LEPR: variants seen among roughly 807,000 people sequenced by gnomAD.
LEPR encodes the protein OB receptor.
LEPR carries 56 observed loss-of-function variants against 114.7 expected under a neutral mutation model. That is an observed-to-expected ratio of 0.49 (90% CI 0.39 to 0.61). LEPR has a LOEUF of 0.61. Among genes scored for constraint, LEPR ranks in the 20% least tolerant of loss-of-function variants. The probability of loss-of-function intolerance (pLI) is 0.00; values close to 1 mark genes in which losing one functional copy is unlikely to be tolerated. For missense variants in LEPR, 1,202 were observed against 1,352.9 expected (o/e 0.89, Z 1.75); for synonymous variants, 443 against 461.4 (o/e 0.96, Z 0.51).
chr1:65,615,049 C>A (rs1657441349), intron 14 of LEPR, among the ~76,000 whole-genome samples: 1 of 151,900 alleles, frequency 6.6e-6, no homozygotes, highest in Non-Finnish European at 1.5e-5. Context: ...TAAAATGCAA[C>A]ATTTGCATGA....
intron 2 of LEPR, among the ~76,000 whole-genome samples, chr1:65,549,545 C>T (rs1445472550): frequency 6.6e-5 from 10 of 152,106 alleles, no homozygotes; most frequent in African/African-American, 1.4e-4. Flanking sequence ...CTTCCCTTCT[C>T]GCTTCATTTC....
intron 1 of LEPR, among the ~76,000 whole-genome samples, 165 bp downstream of exon 1, chr1:65,420,905 G>A (rs1435862815): frequency 2.0e-5 from 3 of 152,222 alleles, no homozygotes; most frequent in African/African-American, 7.2e-5. Flanking sequence ...CCCTTGGGGT[G>A]TGGGTGGAGC....
At chr1:65,430,197 C>T (rs966512772) in intron 2 of LEPR, 16 of 595,058 alleles carry the variant, frequency 2.7e-5, no homozygotes, top group African/African-American at 2.6e-4. Context: ...TTTAGACCTG[C>T]CTAACAGTAG....
chr1:65,432,712 G>C, intron 2 of LEPR: 1 of 856,984 alleles, frequency 1.2e-6, no homozygotes, highest in African/African-American at 1.8e-5. Flanking sequence ...TCAGTTAGGA[G>C]GAATAAGTGT....
At chr1:65,589,368 G>T (rs1655533210) in intron 5 of LEPR, among the ~76,000 whole-genome samples, 2 of 151,812 alleles carry the variant, frequency 1.3e-5, no homozygotes, top group African/African-American at 2.4e-5. Flanking sequence ...TGTATGGTTT[G>T]TCTTTTTGTT....
In LEPR at chr1:65,572,290, GTTTTT is replaced by G. The variant is rs747467075; in HGVS notation, c.371-13_371-9del. 515 of 798,266 alleles carry G rather than the reference GTTTTT, an allele frequency of 6.5e-4. 2 individuals carry two copies. The highest frequency in any genetic ancestry group is 4.9e-3 in the African/African-American group (164 of 33,770). The allele number at this position is 798,266 out of a possible 1,614,324, so 49.4% of individuals were successfully genotyped here. ...ATGGTTTTTGAGATTTCATGTAGTT[GTTTTT>G]TTTTTTTTTTTTTTTTTTTTTTAAA... On this transcript the variant is annotated intron_variant, in intron 4 of 19. Coordinates refer to ENST00000349533, the MANE Select transcript of LEPR (RefSeq NM_002303.6).
intron 2 of LEPR, among the ~76,000 whole-genome samples, chr1:65,444,434 C>T (rs2100295077): frequency 6.6e-6 from 1 of 152,168 alleles, no homozygotes; most frequent in Admixed American, 6.5e-5. Context: ...ACTATCTGGC[C>T]CTTCTTTGAT....
intron 2 of LEPR, among the ~76,000 whole-genome samples, chr1:65,538,810 C>A (rs1570638367): frequency 6.6e-6 from 1 of 151,746 alleles, no homozygotes; most frequent in Non-Finnish European, 1.5e-5. Flanking sequence ...ATTCTTCTTT[C>A]TTGGAGCCTG....
In LEPR at chr1:65,639,963, T is replaced by C. The variant is rs148946842; in HGVS notation, c.*2948T>C. ...ACAAGAAAAATAGGAGCAGTTTTTT[T>C]TTTCTTTTTAAACCTAGTCACCAAA... On this transcript the variant is annotated 3_prime_UTR_variant, in exon 20 of 20. Coordinates refer to ENST00000349533, the MANE Select transcript of LEPR (RefSeq NM_002303.6). The C allele has an allele frequency of 5.6e-4, 85 of 152,270 alleles. No individual in the cohort carries two copies. The highest frequency in any genetic ancestry group is 1.9e-3 in the African/African-American group (81 of 41,560). 9.4% of individuals were successfully genotyped at this position (152,270 alleles called of 1,614,324 possible).
intron 2 of LEPR, among the ~76,000 whole-genome samples, chr1:65,455,568 G>A (rs1220509630): frequency 6.6e-6 from 1 of 152,172 alleles, no homozygotes; most frequent in African/African-American, 2.4e-5. Flanking sequence ...GCCCCTGCTG[G>A]GGGGTGCCTC....
chr1:65,596,292 G>A (rs974741322), intron 6 of LEPR, among the ~76,000 whole-genome samples, 156 bp from the exon 7 acceptor site: 3 of 152,072 alleles, frequency 2.0e-5, no homozygotes, highest in Non-Finnish European at 2.9e-5. Context: ...CAGTATTCAA[G>A]CTTGTTTCGG....
intron 2 of LEPR, among the ~76,000 whole-genome samples, chr1:65,475,936 G>A (rs913031353): frequency 2.0e-5 from 3 of 151,698 alleles, no homozygotes; most frequent in African/African-American, 7.3e-5. Flanking sequence ...AGGATTGCCT[G>A]AGCCCAGGAG....
chr1:65,514,688 C>T (rs546353842), intron 2 of LEPR, among the ~76,000 whole-genome samples: 65 of 152,190 alleles, frequency 4.3e-4, no homozygotes, highest in African/African-American at 1.4e-3. Flanking sequence ...AAAATCCCTT[C>T]GGTATGTGAA....
rs945517968 is a variant in LEPR, at chr1:65,636,557, T to C, written c.3040T>C (p.Ser1014Pro). The stretch of plus-strand genomic sequence containing the variant: ...AAATAGTTCAGTCACCAAGTGCTTC[T>C]CTAGCAAAAATTCTCCGTTGAAGGA... ...LINSSVTKCF[S>P]SKNSPLKDSF... Residue 1014 changes from serine (S) to proline (P), a missense_variant, in exon 20 of 20, where the codon TCT (serine) becomes CCT (proline). Coordinates refer to ENST00000349533, the MANE Select transcript of LEPR (RefSeq NM_002303.6). 1 of 1,613,964 alleles carries C rather than the reference T, an allele frequency of 6.2e-7. No homozygotes were observed. Among genetic ancestry groups the C allele is most frequent in the Non-Finnish European group, 8.5e-7 (1 of 1,179,996 alleles).
intron 2 of LEPR, among the ~76,000 whole-genome samples, chr1:65,497,254 A>G (rs1326406830): frequency 6.6e-6 from 1 of 152,194 alleles, no homozygotes; most frequent in Middle Eastern, 3.2e-3. Context: ...AAGTTTGAAG[A>G]GCTGACCCTG....
chr1:65,439,297 A>T (rs1225107767), intron 2 of LEPR, among the ~76,000 whole-genome samples: 3 of 152,256 alleles, frequency 2.0e-5, no homozygotes, highest in African/African-American at 7.2e-5. Context: ...TTACAAAGTT[A>T]TACATTAGAC....
chr1:65,572,237 A>G (rs1419827278), intron 4 of LEPR, 89 bp from the exon 5 acceptor site: 8 of 1,408,612 alleles, frequency 5.7e-6, no homozygotes, highest in Non-Finnish European at 7.5e-6. Context: ...AATTTGATTT[A>G]GCTCTTCTCT....
rs1658709509 is a variant in LEPR, at chr1:65,636,082, A to T, written c.2674-109A>T. ...TCAAAAACTAGTTAATTTGTGGTTG[A>T]CTTATGTTCTTTATTATTAACTTAA... On this transcript the variant is annotated intron_variant, in intron 19 of 19. Transcript: ENST00000349533. The T allele has an allele frequency of 3.2e-6, 4 of 1,258,472 alleles. No homozygotes were observed. The South Asian group carries it at 3.9e-5, about 12-fold the overall frequency. 78.0% of individuals were successfully genotyped at this position (1,258,472 alleles called of 1,614,324 possible).
intron 2 of LEPR, among the ~76,000 whole-genome samples, chr1:65,499,727 T>C (rs1209873877): frequency 6.6e-6 from 1 of 152,138 alleles, no homozygotes; most frequent in African/African-American, 2.4e-5. Context: ...GACATCTTCT[T>C]TAGGCATTTA....
Sources: gnomAD v4.1 joint callset for allele counts (sites outside exome capture counted in the v4.1 genomes callset) on GRCh38, gnomAD v4.1.1 for gene constraint, MANE v1.5 for transcripts, NCBI Gene and HGNC (gene_info 2026-07-23, HGNC 2026-07-21) for gene names.